VAV3: variants seen among roughly 807,000 people sequenced by gnomAD.
The protein encoded by VAV3 is guanine nucleotide exchange factor VAV3.
Under a neutral mutation model 131.2 loss-of-function variants are expected in VAV3, and 94 were observed. The ratio of observed to expected loss-of-function variants is 0.72; its 90% confidence interval spans 0.61 to 0.85. The LOEUF (loss-of-function observed/expected upper bound fraction) is 0.85, where lower values mean the gene tolerates loss of function less well. VAV3 is among the 40% of genes least tolerant of loss of function. VAV3 has a pLI of 0.00. For missense variants in VAV3, 939 were observed against 1,002.7 expected (o/e 0.94, Z 0.86); for synonymous variants, 349 against 342.0 (o/e 1.02, Z -0.22).
At chr1:107,637,005 G>A (rs1654979944) in intron 20 of VAV3, among the ~76,000 whole-genome samples, 1 of 152,048 alleles carries the variant, frequency 6.6e-6, no homozygotes, top group South Asian at 2.1e-4. Context: ...AGAAATCGAT[G>A]ATAGGGGAAA....
intron 1 of VAV3, among the ~76,000 whole-genome samples, chr1:107,881,629 CT>C (rs1341798796): frequency 9.2e-5 from 14 of 152,260 alleles, no homozygotes; most frequent in African/African-American, 3.4e-4. Flanking sequence ...GAATAGCTCG[CT>C]TATTTCAAGG....
At chr1:107,837,062 G>C (rs2125748) in intron 2 of VAV3, among the ~76,000 whole-genome samples, 1 of 151,666 alleles carries the variant, frequency 6.6e-6, no homozygotes, top group Non-Finnish European at 1.5e-5. Flanking sequence ...TACAAAGCCA[G>C]CATCATCCTA....
Position 107,718,774 on chromosome 1 carries a change from T to G in VAV3, c.1503-13713A>C, listed in dbSNP as rs181089936. ...GACAATCCTAAACAAAAAGAACAAA[T>G]CTGGAGGCATCACGCTACCTGACTT... On this transcript the variant is annotated intron_variant, in intron 15 of 26. Transcript: ENST00000370056. Among the ~76,000 whole-genome samples, 535 of 151,958 alleles carry G rather than the reference T, an allele frequency of 3.5e-3. 2 individuals carry two copies. The highest frequency in any genetic ancestry group is 0.012 in the African/African-American group (495 of 41,430).
At chr1:107,596,462 T>C (rs1651396837) in intron 24 of VAV3, 121 bp from the exon 25 acceptor site, 2 of 1,041,962 alleles carry the variant, frequency 1.9e-6, no homozygotes, top group Admixed American at 2.6e-5. Context: ...TCCATAGGTA[T>C]ATGGAAGATT....
At chr1:107,922,964 GAA>G (rs67666662) in intron 1 of VAV3, among the ~76,000 whole-genome samples, 2,095 of 134,550 alleles carry the variant, frequency 0.016, 22 homozygotes, top group African/African-American at 0.025. Context: ...AAAAAAAAAA[GAA>G]AAAAAAAAAA....
chr1:107,855,659 A>C (rs1669435792), intron 2 of VAV3, among the ~76,000 whole-genome samples: 1 of 152,122 alleles, frequency 6.6e-6, no homozygotes, highest in Admixed American at 6.5e-5. Context: ...CAAATCTATG[A>C]GTTTCAAACA....
At chr1:107,949,934 G>C (rs1429793250) in intron 1 of VAV3, among the ~76,000 whole-genome samples, 1 of 152,144 alleles carries the variant, frequency 6.6e-6, no homozygotes, top group Non-Finnish European at 1.5e-5. Flanking sequence ...TTGCCTATAT[G>C]ATTAAAAGAA....
At chr1:107,752,701 AT>A (rs1240747045) in intron 12 of VAV3, among the ~76,000 whole-genome samples, 2 of 152,226 alleles carry the variant, frequency 1.3e-5, no homozygotes, top group East Asian at 3.8e-4. Flanking sequence ...CAAAGACAAT[AT>A]TCAACATCAT....
At chr1:107,693,067 G>A (rs751735407) in intron 17 of VAV3, among the ~76,000 whole-genome samples, 6 of 152,094 alleles carry the variant, frequency 3.9e-5, no homozygotes, top group Non-Finnish European at 8.8e-5. Context: ...AGAAGGAAAC[G>A]ACACCCTAAA....
At chr1:107,902,150 GA>G (rs1450553887) in intron 1 of VAV3, among the ~76,000 whole-genome samples, 1 of 151,798 alleles carries the variant, frequency 6.6e-6, no homozygotes, top group Admixed American at 6.6e-5. Flanking sequence ...CTTAAACTAA[GA>G]AAGCTTAAGA....
chr1:107,823,187 T>C (rs1571002495), intron 2 of VAV3, among the ~76,000 whole-genome samples: 1 of 152,236 alleles, frequency 6.6e-6, no homozygotes, highest in East Asian at 1.9e-4. Context: ...TCAGAAAAAC[T>C]TGCTTACAAC....
chr1:107,613,826 G>C (rs1482781263), intron 21 of VAV3, among the ~76,000 whole-genome samples: 1 of 151,966 alleles, frequency 6.6e-6, no homozygotes, highest in Non-Finnish European at 1.5e-5. Flanking sequence ...AATTTTCATT[G>C]GGAGAATAAT....
chr1:107,929,652 CAG>C (rs1673327256), intron 1 of VAV3, among the ~76,000 whole-genome samples: 1 of 152,006 alleles, frequency 6.6e-6, no homozygotes, highest in African/African-American at 2.4e-5. Context: ...AAGATATAAA[CAG>C]AAATAATAAA....
intron 15 of VAV3, among the ~76,000 whole-genome samples, chr1:107,726,415 G>A (rs1277251385): frequency 1.3e-5 from 2 of 152,194 alleles, no homozygotes; most frequent in Admixed American, 6.5e-5. Flanking sequence ...GGTGTGGACC[G>A]CCAATGGCCA....
intron 2 of VAV3, among the ~76,000 whole-genome samples, chr1:107,784,721 A>G (rs775446821): frequency 9.9e-5 from 15 of 152,178 alleles, no homozygotes; most frequent in Non-Finnish European, 1.6e-4. Context: ...TAGTTCACAG[A>G]CAGGCTCACA....
At chr1:107,780,984 A>G (rs1246775322) in intron 2 of VAV3, among the ~76,000 whole-genome samples, 1 of 152,188 alleles carries the variant, frequency 6.6e-6, no homozygotes, top group African/African-American at 2.4e-5. Context: ...TACTTCAGAG[A>G]CAGGAACATA....
chr1:107,773,169 A>G (rs1018305470), intron 4 of VAV3, among the ~76,000 whole-genome samples: 2 of 152,226 alleles, frequency 1.3e-5, no homozygotes, highest in Non-Finnish European at 2.9e-5. Flanking sequence ...TCCATTAAAG[A>G]GATGAGGAAG....
At chr1:107,610,036 A>G in intron 21 of VAV3, 71 bp from the exon 22 acceptor site, 1 of 1,459,420 alleles carries the variant, frequency 6.9e-7, no homozygotes. Flanking sequence ...TCATTAATTC[A>G]GTTCAGCTGA....
At chr1:107,793,420 C>A (rs1241940863) in intron 2 of VAV3, among the ~76,000 whole-genome samples, 2 of 152,140 alleles carry the variant, frequency 1.3e-5, no homozygotes, top group Non-Finnish European at 2.9e-5. Context: ...TGAAATATCA[C>A]CTATTTATAT....
Sources: gnomAD v4.1 joint callset for allele counts (sites outside exome capture counted in the v4.1 genomes callset) on GRCh38, gnomAD v4.1.1 for gene constraint, MANE v1.5 for transcripts, NCBI Gene and HGNC (gene_info 2026-07-23, HGNC 2026-07-21) for gene names.